DPF3: variants seen among roughly 807,000 people sequenced by gnomAD.
DPF3 encodes the protein double PHD fingers 3.
Under a neutral mutation model 56.8 loss-of-function variants are expected in DPF3, and 18 were observed. The ratio of observed to expected loss-of-function variants is 0.32; its 90% CI spans 0.22 to 0.47. The LOEUF (loss-of-function observed/expected upper bound fraction) is 0.47, where lower values mean the gene tolerates loss of function less well. Ranked by LOEUF, DPF3 falls within the 20% of genes least tolerant of loss-of-function variation. The pLI is 1.00. For synonymous variants in DPF3, 188 were observed against 180.2 expected (o/e 1.04, Z -0.35); for missense variants, 403 against 488.8 (o/e 0.82, Z 1.65).
At chr14:72,635,979 A>T (rs1269976697) in intron 8 of DPF3, among the ~76,000 whole-genome samples, 1 of 152,256 alleles carries the variant, frequency 6.6e-6, no homozygotes, top group Admixed American at 6.5e-5. Flanking sequence ...ACATCTAATT[A>T]TACTTTATTA....
At chr14:72,716,934 A>T (rs1888956612) in intron 5 of DPF3, among the ~76,000 whole-genome samples, 1 of 151,774 alleles carries the variant, frequency 6.6e-6, no homozygotes, top group South Asian at 2.1e-4. Flanking sequence ...CCCCTAGTCC[A>T]CCCTAACGGG....
In DPF3 at chr14:72,693,188, T is replaced by A; in HGVS notation, c.630A>T (p.Arg210=). The A allele has an allele frequency of 1.2e-6, 2 of 1,613,872 alleles. No homozygotes were observed. Among genetic ancestry groups the A allele is most frequent in the Non-Finnish European group, 1.7e-6 (2 of 1,179,864 alleles). ...GAGCATAGTGGTAGCTGAGCCCCGG[T>A]CGGTTCTTGTAGCGCTTGCCACAGA... ...CDICGKRYKN[R]PGLSYHYAHT... Residue 210 remains arginine, a synonymous_variant, in exon 7 of 11, where the codon CGA becomes CGT. Coordinates refer to ENST00000556509, the MANE Select transcript of DPF3 (RefSeq NM_001280542.3).
In DPF3 at chr14:72,615,471, G is replaced by A. The variant is rs182257634; in HGVS notation, c.*3826C>T. On this transcript the variant is annotated 3_prime_UTR_variant, in exon 11 of 11. Coordinates refer to ENST00000556509, the MANE Select transcript of DPF3 (RefSeq NM_001280542.3). ...AGGAAGCGGGCTGTATTCAAAGCACGAATACAAAAATGCACCAGGAGTGTG... is the reference window on the plus strand; with the variant it reads ...AGGAAGCGGGCTGTATTCAAAGCACAAATACAAAAATGCACCAGGAGTGTG... Among the ~76,000 whole-genome samples the A allele has an allele frequency of 4.4e-4, 67 of 152,330 alleles. 1 individual carries two copies. In the East Asian group the frequency reaches 7.7e-3, roughly 18 times the overall value.
intron 7 of DPF3, among the ~76,000 whole-genome samples, chr14:72,689,198 CA>C (rs1887566433): frequency 2.6e-5 from 4 of 152,092 alleles, no homozygotes; most frequent in Admixed American, 2.0e-4. Context: ...CTGCTGAAGA[CA>C]AAGCTGGGGG....
At chr14:72,723,865 G>T (rs756512247) in intron 4 of DPF3, 137 bp from the exon 5 acceptor site, 5 of 813,260 alleles carry the variant, frequency 6.1e-6, no homozygotes, top group Non-Finnish European at 9.4e-6. Context: ...TTGGGCAGTT[G>T]GGCCCTCTGA....
intron 6 of DPF3, among the ~76,000 whole-genome samples, chr14:72,703,820 C>A (rs1414647868): frequency 6.6e-6 from 1 of 152,234 alleles, no homozygotes; most frequent in Admixed American, 6.5e-5. Flanking sequence ...TATTTTTGAT[C>A]ATTCATTTAA....
chr14:72,751,855 TCTC>T (rs1391473900), intron 3 of DPF3, among the ~76,000 whole-genome samples: 1 of 152,146 alleles, frequency 6.6e-6, no homozygotes, highest in African/African-American at 2.4e-5. Context: ...GAGAACCTGA[TCTC>T]CTACAACCTG....
chr14:72,706,940 A>C (rs561097891), intron 6 of DPF3, among the ~76,000 whole-genome samples: 12 of 152,188 alleles, frequency 7.9e-5, no homozygotes, highest in African/African-American at 2.9e-4. Context: ...CTCGTCATTT[A>C]GCATTAGGTA....
At chr14:72,644,214 T>C (rs1300315370) in intron 8 of DPF3, among the ~76,000 whole-genome samples, 1 of 151,908 alleles carries the variant, frequency 6.6e-6, no homozygotes, top group African/African-American at 2.4e-5. Context: ...TCCATGGGAG[T>C]ACAACAAAAC....
chr14:72,649,922 A>G (rs1357379805), intron 8 of DPF3, among the ~76,000 whole-genome samples: 1 of 152,176 alleles, frequency 6.6e-6, no homozygotes, highest in East Asian at 1.9e-4. Flanking sequence ...TAACCACTAC[A>G]CCGCTCGGCC....
At chr14:72,754,166 C>T (rs775203543) in intron 2 of DPF3, among the ~76,000 whole-genome samples, 20 of 152,144 alleles carry the variant, frequency 1.3e-4, no homozygotes, top group Non-Finnish European at 2.6e-4. Context: ...GTGGCAGCCA[C>T]GGGCCTTAGA....
chr14:72,870,829 C>A (rs951958897), intron 1 of DPF3, among the ~76,000 whole-genome samples: 1 of 152,288 alleles, frequency 6.6e-6, no homozygotes. Flanking sequence ...AATCCCAGCA[C>A]TTTGGGAGGC....
intron 1 of DPF3, among the ~76,000 whole-genome samples, chr14:72,850,072 T>A (rs1884914782): frequency 6.6e-6 from 1 of 151,730 alleles, no homozygotes; most frequent in Non-Finnish European, 1.5e-5. Context: ...TGAGCCGAGA[T>A]CATACCACTG....
At chr14:72,828,672 A>G (rs1036630269) in intron 1 of DPF3, among the ~76,000 whole-genome samples, 15 of 152,118 alleles carry the variant, frequency 9.9e-5, no homozygotes, top group Non-Finnish European at 1.2e-4. Context: ...GTGAGGAGCA[A>G]TGAAGGGCAA....
Position 72,737,994 on chromosome 14 carries a change from T to C in DPF3, c.302-6060A>G, listed in dbSNP as rs145500144. On this transcript the variant is annotated intron_variant, in intron 3 of 10. Transcript: ENST00000556509. ...TTATTATATTGAGGAGTTAAGCTCATCATATTTCCTTGGATTTATACATCA... is the reference window on the plus strand; with the variant it reads ...TTATTATATTGAGGAGTTAAGCTCACCATATTTCCTTGGATTTATACATCA... 2.9e-3 allele frequency among the ~76,000 whole-genome samples: 441 copies of C among 152,248 alleles called. 4 individuals carry two copies. Among genetic ancestry groups the C allele is most frequent in the African/African-American group, 9.9e-3 (410 of 41,538 alleles).
chr14:72,644,512 G>C (rs1034180973), intron 8 of DPF3, among the ~76,000 whole-genome samples: 3 of 152,204 alleles, frequency 2.0e-5, no homozygotes, highest in African/African-American at 7.2e-5. Flanking sequence ...AGAAATTAGA[G>C]AGTTGGAATA....
chr14:72,759,763 A>T (rs186520153), intron 2 of DPF3, among the ~76,000 whole-genome samples: 1 of 152,326 alleles, frequency 6.6e-6, no homozygotes, highest in East Asian at 1.9e-4. Context: ...ATAGTGATAA[A>T]GAGAAAATAT....
At chr14:72,801,694 T>G (rs1470083841) in intron 1 of DPF3, among the ~76,000 whole-genome samples, 1 of 152,010 alleles carries the variant, frequency 6.6e-6, no homozygotes, top group Non-Finnish European at 1.5e-5. Context: ...AGGATATGGG[T>G]GTCCAGTGGC....
intron 2 of DPF3, among the ~76,000 whole-genome samples, chr14:72,763,202 C>T (rs888551565): frequency 2.0e-5 from 3 of 151,974 alleles, no homozygotes; most frequent in African/African-American, 7.2e-5. Context: ...AGATGCAAGA[C>T]AATCCCAACC....
Sources: allele counts gnomAD v4.1 joint callset (sites outside exome capture counted in the v4.1 genomes callset), GRCh38; gene constraint gnomAD v4.1.1; transcripts MANE v1.5; gene names NCBI Gene and HGNC (gene_info 2026-07-23, HGNC 2026-07-21).